GALNTL6: variants seen among roughly 807,000 people sequenced by gnomAD.
GALNTL6 encodes polypeptide N-acetylgalactosaminyltransferase like 6.
GALNTL6 carries 46 observed loss-of-function variants against 73.7 expected under a neutral mutation model. The observed-to-expected ratio is 0.62, with a 90% confidence interval of 0.49 to 0.80. The LOEUF is 0.80. Ranked by LOEUF, GALNTL6 falls within the 30% of genes least tolerant of loss-of-function variation. The pLI, the probability that GALNTL6 is intolerant of heterozygous loss-of-function variation, is 0.00. For synonymous variants in GALNTL6, 259 were observed against 263.7 expected (o/e 0.98, Z 0.17); for missense variants, 604 against 755.0 (o/e 0.80, Z 2.34).
intron 7 of GALNTL6, among the ~76,000 whole-genome samples, chr4:172,853,280 C>G (rs930789558): frequency 6.6e-6 from 1 of 152,210 alleles, no homozygotes; most frequent in African/African-American, 2.4e-5. Context: ...TGAGCACCCA[C>G]ACTTCCTTGC....
intron 10 of GALNTL6, among the ~76,000 whole-genome samples, chr4:172,972,266 A>G (rs571792626): frequency 1.3e-5 from 2 of 152,346 alleles, no homozygotes; most frequent in African/African-American, 4.8e-5. Context: ...AAGGATGTAT[A>G]GAACCTAAAC....
At chr4:172,972,705 G>C (rs1750637102) in intron 10 of GALNTL6, among the ~76,000 whole-genome samples, 1 of 152,150 alleles carries the variant, frequency 6.6e-6, no homozygotes, top group African/African-American at 2.4e-5. Flanking sequence ...AAGTAGAAAG[G>C]GAAGAAAGCT....
At chr4:172,127,899 T>G (rs548373592) in intron 2 of GALNTL6, among the ~76,000 whole-genome samples, 1 of 152,064 alleles carries the variant, frequency 6.6e-6, no homozygotes, top group East Asian at 1.9e-4. Flanking sequence ...GGTCAGGGGT[T>G]TGAGGCCAGC....
chr4:172,708,000 A>C (rs1257104353), intron 5 of GALNTL6, among the ~76,000 whole-genome samples: 1 of 152,154 alleles, frequency 6.6e-6, no homozygotes. Context: ...AAGTTTGGTC[A>C]AGGATAGATC....
intron 5 of GALNTL6, among the ~76,000 whole-genome samples, chr4:172,399,722 C>A (rs1743972746): frequency 6.6e-6 from 1 of 152,020 alleles, no homozygotes. Context: ...ACGTACTGTG[C>A]AGAAAAATAA....
intron 2 of GALNTL6, among the ~76,000 whole-genome samples, chr4:172,100,697 GT>G (rs1408777451): frequency 1.3e-5 from 2 of 152,046 alleles, no homozygotes; most frequent in Non-Finnish European, 2.9e-5. Flanking sequence ...TATTATCTCA[GT>G]TTTACAAATG....
intron 3 of GALNTL6, among the ~76,000 whole-genome samples, chr4:172,274,449 C>T (rs901057041): frequency 3.9e-5 from 6 of 152,072 alleles, no homozygotes; most frequent in Admixed American, 2.0e-4. Context: ...TCAGACAATC[C>T]GTAGAGCATC....
At chr4:172,096,486 C>T (rs1732361783) in intron 2 of GALNTL6, among the ~76,000 whole-genome samples, 1 of 151,932 alleles carries the variant, frequency 6.6e-6, no homozygotes, top group African/African-American at 2.4e-5. Context: ...CATCCAATCA[C>T]ACGATTTTTC....
At chr4:172,406,430 CAT>C (rs926856497) in intron 5 of GALNTL6, among the ~76,000 whole-genome samples, 4 of 151,574 alleles carry the variant, frequency 2.6e-5, no homozygotes, top group African/African-American at 7.3e-5. Flanking sequence ...TTAAATAATA[CAT>C]ATATATATAA....
At chr4:172,746,207 C>T (rs1448532941) in intron 5 of GALNTL6, among the ~76,000 whole-genome samples, 2 of 151,952 alleles carry the variant, frequency 1.3e-5, no homozygotes, top group African/African-American at 4.8e-5. Flanking sequence ...TTTCTATAAG[C>T]CTCAATTTTC....
intron 2 of GALNTL6, among the ~76,000 whole-genome samples, chr4:172,166,517 T>G (rs1734630486): frequency 6.6e-6 from 1 of 152,180 alleles, no homozygotes; most frequent in Non-Finnish European, 1.5e-5. Flanking sequence ...TCCTAGCAAT[T>G]AAAGCTTGGT....
chr4:172,343,435 T>C (rs1002070161), intron 4 of GALNTL6, among the ~76,000 whole-genome samples: 11 of 152,204 alleles, frequency 7.2e-5, no homozygotes, highest in Non-Finnish European at 1.3e-4. Context: ...CTAAAGTATC[T>C]CTTTTAGACA....
At chr4:171,837,154 T>G (rs1358936443) in intron 2 of GALNTL6, among the ~76,000 whole-genome samples, 1 of 152,102 alleles carries the variant, frequency 6.6e-6, no homozygotes, top group Non-Finnish European at 1.5e-5. Flanking sequence ...TGTTATAAGT[T>G]CTGTGGTATT....
At chr4:172,826,889 G>A (rs6840834) in intron 7 of GALNTL6, among the ~76,000 whole-genome samples, 77,470 of 152,118 alleles carry the variant, frequency 0.51, 24,088 homozygotes, top group Non-Finnish European at 0.69. Context: ...TGCCGGGATT[G>A]TTTTCCTTTC....
intron 5 of GALNTL6, among the ~76,000 whole-genome samples, chr4:172,795,179 T>A (rs549314780): frequency 1.1e-3 from 169 of 152,232 alleles, no homozygotes; most frequent in African/African-American, 3.8e-3. Flanking sequence ...TATCTGAAGA[T>A]GGAATGTCTC....
chr4:172,912,742 G>A (rs574753662), intron 8 of GALNTL6, among the ~76,000 whole-genome samples: 35 of 152,334 alleles, frequency 2.3e-4, no homozygotes, highest in South Asian at 6.2e-4. Flanking sequence ...GGAGCCCAGC[G>A]CAGCTCAGTG....
intron 5 of GALNTL6, among the ~76,000 whole-genome samples, chr4:172,365,481 G>A (rs776021957): frequency 1.5e-4 from 23 of 152,076 alleles, no homozygotes; most frequent in African/African-American, 5.6e-4. Flanking sequence ...CCAAGATGGC[G>A]ATGCTCCTGC....
intron 2 of GALNTL6, among the ~76,000 whole-genome samples, chr4:171,990,367 C>A (rs2110735794): frequency 6.6e-6 from 1 of 152,008 alleles, no homozygotes; most frequent in African/African-American, 2.4e-5. Context: ...AAATTAAACT[C>A]AAGAGAAAGA....
intron 5 of GALNTL6, among the ~76,000 whole-genome samples, chr4:172,412,914 C>G (rs1158027467): frequency 6.6e-6 from 1 of 152,138 alleles, no homozygotes; most frequent in African/African-American, 2.4e-5. Context: ...CTACTGCTGA[C>G]TGAGTCAAAA....
Sources: allele counts gnomAD v4.1 joint callset (sites outside exome capture counted in the v4.1 genomes callset), GRCh38; gene constraint gnomAD v4.1.1; transcripts MANE v1.5; gene names NCBI Gene and HGNC (gene_info 2026-07-23, HGNC 2026-07-21).